The following RALGPS2 variants were observed in gnomAD, a reference collection of about 807,000 sequenced individuals.
RALGPS2 encodes the protein Ral GEF with PH domain and SH3 binding motif 2.
A neutral mutation model predicts 86.8 loss-of-function variants in RALGPS2; 43 were observed. The observed-to-expected ratio is 0.50, with a 90% CI of 0.39 to 0.64. The LOEUF (loss-of-function observed/expected upper bound fraction) is 0.64, where lower values mean the gene tolerates loss of function less well. RALGPS2 is among the 30% of genes least tolerant of loss of function. The probability of loss-of-function intolerance (pLI) is 0.00; values close to 1 mark genes in which losing one functional copy is unlikely to be tolerated. For synonymous variants in RALGPS2, 243 were observed against 231.3 expected, an observed-to-expected ratio of 1.05 and a Z score of -0.46; for missense variants, 536 against 694.6, an observed-to-expected ratio of 0.77 and a Z score of 2.57.
At chr1:178,858,276 T>C (rs930688383) in intron 8 of RALGPS2, among the ~76,000 whole-genome samples, 4 of 152,160 alleles carry the variant, frequency 2.6e-5, no homozygotes, top group African/African-American at 7.2e-5. Context: ...GAAAATCTTA[T>C]TTACTTTCTG....
At position 178,771,134 on chromosome 1, in the gene RALGPS2, C is replaced by T. The variant is rs184406797; in HGVS notation, c.-83-5548C>T. ...GATTACAGGCGTGAGCCACCGCACCCAGCCTTCTTTATGTATTAATAACTA... is the reference window on the plus strand; with the variant it reads ...GATTACAGGCGTGAGCCACCGCACCTAGCCTTCTTTATGTATTAATAACTA... On this transcript the variant is annotated intron_variant, in intron 1 of 19. Transcript: ENST00000367635. Among the ~76,000 whole-genome samples, 144 of 152,284 alleles carry T rather than the reference C, an allele frequency of 9.5e-4. 1 individual carries two copies. The highest frequency in any genetic ancestry group is 1.6e-3 in the Non-Finnish European group (111 of 68,026).
intron 8 of RALGPS2, chr1:178,851,395 A>G (rs1270675617): frequency 1.5e-6 from 2 of 1,306,784 alleles, no homozygotes; most frequent in Admixed American, 2.9e-5. Flanking sequence ...AACTTATTCT[A>G]CCTTTAATTT....
intron 7 of RALGPS2, among the ~76,000 whole-genome samples, chr1:178,823,546 T>A (rs1655608785): frequency 6.6e-6 from 1 of 152,102 alleles, no homozygotes; most frequent in South Asian, 2.1e-4. Flanking sequence ...CTGGAGGAAT[T>A]GAGGGAACCA....
intron 13 of RALGPS2, among the ~76,000 whole-genome samples, chr1:178,886,351 G>C (rs1659484588): frequency 6.6e-6 from 1 of 152,208 alleles, no homozygotes. Flanking sequence ...CATATGGGCT[G>C]GTTGAATTAG....
rs568798043 is a variant in RALGPS2 at position 178,743,065 on chromosome 1, A to T, written c.-84+17646A>T. Among the ~76,000 whole-genome samples the T allele has an allele frequency of 7.2e-4, 109 of 152,056 alleles. 1 individual carries two copies. Among genetic ancestry groups the T allele is most frequent in the South Asian group, 1.2e-3 (6 of 4,804 alleles). On this transcript the variant is annotated intron_variant, in intron 1 of 19. Coordinates refer to ENST00000367635, the MANE Select transcript of RALGPS2 (RefSeq NM_152663.5). ...ACCCTGTCTTTACAAACATTTTTTT[A>T]AAAAAAATTAGCCAGACATGGTGAC... is the stretch of plus-strand genomic sequence containing the variant.
chr1:178,746,024 G>T (rs2102032183), intron 1 of RALGPS2, among the ~76,000 whole-genome samples: 1 of 151,918 alleles, frequency 6.6e-6, no homozygotes, highest in African/African-American at 2.4e-5. Context: ...GTTTCACTAT[G>T]TTGGCCAGGC....
rs540683684 is a variant in RALGPS2 at position 178,751,628 on chromosome 1, G to C, written c.-83-25054G>C. Among the ~76,000 whole-genome samples, 4 of 152,230 alleles carry C rather than the reference G, an allele frequency of 2.6e-5. No homozygotes were observed. In the South Asian group the frequency reaches 6.2e-4, roughly 24 times the overall value. Reference sequence around the variant, plus strand: ...AATGAAGAACAGTGTTTCAATCTCTGTAACACCTCAATACTTATACAGGAA... The same window carrying C: ...AATGAAGAACAGTGTTTCAATCTCTCTAACACCTCAATACTTATACAGGAA... On this transcript the variant is annotated intron_variant, in intron 1 of 19. Transcript: ENST00000367635.
intron 1 of RALGPS2, among the ~76,000 whole-genome samples, chr1:178,736,340 T>C (rs1650703422): frequency 6.6e-6 from 1 of 152,020 alleles, no homozygotes; most frequent in African/African-American, 2.4e-5. Flanking sequence ...TCTTGTATTT[T>C]CAGTAGAGTC....
intron 10 of RALGPS2, chr1:178,879,574 C>G (rs1484593297): frequency 6.6e-6 from 1 of 152,548 alleles, no homozygotes; most frequent in African/African-American, 2.4e-5. Context: ...GGGTGGATCA[C>G]TTGAGGTCAG....
intron 8 of RALGPS2, chr1:178,851,007 T>A: frequency 1.1e-6 from 1 of 944,508 alleles, no homozygotes; most frequent in African/African-American, 1.7e-5. Flanking sequence ...TACGGTAAAA[T>A]TCATTTTAAA....
chr1:178,912,198 A>G (rs889192506), intron 19 of RALGPS2, among the ~76,000 whole-genome samples: 1 of 152,188 alleles, frequency 6.6e-6, no homozygotes, highest in East Asian at 1.9e-4. Context: ...CAAGGTTACT[A>G]TTGATGTGTG....
intron 1 of RALGPS2, among the ~76,000 whole-genome samples, chr1:178,734,679 G>A (rs940662927): frequency 2.6e-5 from 4 of 152,192 alleles, no homozygotes; most frequent in Admixed American, 6.5e-5. Flanking sequence ...AAACAACTCC[G>A]AAACCTTTAT....
At chr1:178,759,147 G>A (rs1652104170) in intron 1 of RALGPS2, among the ~76,000 whole-genome samples, 1 of 152,134 alleles carries the variant, frequency 6.6e-6, no homozygotes, top group African/African-American at 2.4e-5. Context: ...TTTTCTCCCA[G>A]ACCAATGCTC....
chr1:178,834,768 G>GTTTGT (rs1553268424), intron 8 of RALGPS2, among the ~76,000 whole-genome samples: 17 of 152,198 alleles, frequency 1.1e-4, no homozygotes, highest in South Asian at 4.2e-4. Flanking sequence ...TGCTGTCATT[G>GTTTGT]TTTGTTTTGT....
chr1:178,835,693 G>A (rs1656242197), intron 8 of RALGPS2, among the ~76,000 whole-genome samples: 1 of 152,098 alleles, frequency 6.6e-6, no homozygotes, highest in Non-Finnish European at 1.5e-5. Flanking sequence ...GCACCCAGCT[G>A]TAGTGATGTC....
At chr1:178,900,901 A>G (rs988011268) in intron 17 of RALGPS2, among the ~76,000 whole-genome samples, 7 of 152,004 alleles carry the variant, frequency 4.6e-5, no homozygotes, top group African/African-American at 1.2e-4. Context: ...TGCTTGAGTT[A>G]CTTTTTACTT....
At chr1:178,888,092 A>T (rs1489709695) in intron 13 of RALGPS2, among the ~76,000 whole-genome samples, 1 of 152,094 alleles carries the variant, frequency 6.6e-6, no homozygotes, top group Non-Finnish European at 1.5e-5. Context: ...ATTGAGTTAC[A>T]GTTAGTGTCT....
intron 1 of RALGPS2, among the ~76,000 whole-genome samples, chr1:178,765,450 T>C (rs1397058904): frequency 6.6e-6 from 1 of 152,116 alleles, no homozygotes; most frequent in Non-Finnish European, 1.5e-5. Flanking sequence ...GAATAAGGTG[T>C]GGGTCACAGA....
chr1:178,767,202 A>G (rs1414168684), intron 1 of RALGPS2, among the ~76,000 whole-genome samples: 1 of 152,018 alleles, frequency 6.6e-6, no homozygotes, highest in Non-Finnish European at 1.5e-5. Context: ...TCTGAATTCT[A>G]TTTCTGTCAT....
Sources: allele counts gnomAD v4.1 joint callset (sites outside exome capture counted in the v4.1 genomes callset), GRCh38; gene constraint gnomAD v4.1.1; transcripts MANE v1.5; gene names NCBI Gene and HGNC (gene_info 2026-07-23, HGNC 2026-07-21).